The following MARCHF11 variants were observed in gnomAD, a reference collection of about 807,000 sequenced individuals.
The protein encoded by MARCHF11 is E3 ubiquitin-protein ligase MARCHF11.
In MARCHF11, 29 loss-of-function variants were observed where a neutral mutation model predicts 37.3. The ratio of observed to expected loss-of-function variants is 0.78; its 90% confidence interval spans 0.58 to 1.06. The LOEUF is 1.06. Ranked by LOEUF, MARCHF11 falls within the 50% of genes least tolerant of loss-of-function variation. MARCHF11 has a pLI of 0.00. For synonymous variants in MARCHF11, 233 were observed against 228.0 expected (o/e 1.02, Z -0.20); for missense variants, 482 against 533.4 (o/e 0.90, Z 0.95).
chr5:16,132,179 C>T (rs1737528461), intron 2 of MARCHF11, among the ~76,000 whole-genome samples: 1 of 152,080 alleles, frequency 6.6e-6, no homozygotes, highest in East Asian at 1.9e-4. Flanking sequence ...GAGCCAAGTA[C>T]CAAATTAGAT....
At chr5:16,097,534 A>C (rs773701785) in intron 2 of MARCHF11, among the ~76,000 whole-genome samples, 1 of 152,222 alleles carries the variant, frequency 6.6e-6, no homozygotes. Flanking sequence ...GATTCTAAAG[A>C]TGGAAAGAGC....
At chr5:16,133,649 G>GCACA (rs138216081) in intron 2 of MARCHF11, among the ~76,000 whole-genome samples, 41 of 150,034 alleles carry the variant, frequency 2.7e-4, no homozygotes, top group African/African-American at 6.6e-4. Flanking sequence ...ACATACACAT[G>GCACA]CACACACACA....
rs1279315517 is a variant in MARCHF11, at chr5:16,179,319, G to A, written c.257C>T (p.Pro86Leu). 8.1e-7 allele frequency: 1 copy of A among 1,238,552 alleles called. No individual in the cohort carries two copies. The highest frequency in any genetic ancestry group is 1.0e-6 in the Non-Finnish European group (1 of 991,410). 76.7% of individuals were successfully genotyped at this position (1,238,552 alleles called of 1,614,324 possible). Residue 86 changes from proline (P) to leucine (L), a missense_variant, in exon 1 of 4, where the codon CCC (proline) becomes CTC (leucine). Transcript: ENST00000332432. The stretch of plus-strand genomic sequence containing the variant: ...CTGGCCGGCGGGCTGCAGGGGCAGG[G>A]GCGGAGGCGGCAGCTCGTCCGCTCC... ...CRGADELPPP[P>L]LPLQPAGQEV...
intron 3 of MARCHF11, among the ~76,000 whole-genome samples, chr5:16,070,369 A>G (rs765836496): frequency 1.1e-4 from 17 of 152,212 alleles, no homozygotes; most frequent in Non-Finnish European, 2.4e-4. Flanking sequence ...CTGGGACGGT[A>G]ACTCTATAAA....
At chr5:16,139,738 A>G (rs1264521260) in intron 2 of MARCHF11, among the ~76,000 whole-genome samples, 2 of 152,194 alleles carry the variant, frequency 1.3e-5, no homozygotes, top group Non-Finnish European at 2.9e-5. Context: ...TCCGAACTAC[A>G]AAAGTATAAA....
intron 3 of MARCHF11, among the ~76,000 whole-genome samples, chr5:16,079,579 T>C (rs563580503): frequency 6.6e-5 from 10 of 152,332 alleles, no homozygotes; most frequent in African/African-American, 2.4e-4. Flanking sequence ...CCACATGGCC[T>C]TGTGGATCTT....
chr5:16,103,120 A>AAAAACAAAAC (rs1553995082), intron 2 of MARCHF11, among the ~76,000 whole-genome samples: 5 of 151,950 alleles, frequency 3.3e-5, no homozygotes, highest in African/African-American at 9.7e-5. Flanking sequence ...AGAAAAAAAA[A>AAAAACAAAAC]AAACAAAACT....
At chr5:16,149,806 G>A (rs148439125) in intron 2 of MARCHF11, among the ~76,000 whole-genome samples, 66 of 152,150 alleles carry the variant, frequency 4.3e-4, no homozygotes, top group African/African-American at 1.5e-3. Flanking sequence ...GCTGACCAGT[G>A]GACCTGCACC....
intron 3 of MARCHF11, among the ~76,000 whole-genome samples, chr5:16,071,411 T>C (rs1271014662): frequency 6.6e-6 from 1 of 152,210 alleles, no homozygotes; most frequent in Non-Finnish European, 1.5e-5. Context: ...ACCATCACCT[T>C]ACTGAAGCGC....
intron 2 of MARCHF11, among the ~76,000 whole-genome samples, chr5:16,094,044 A>T (rs1736825337): frequency 6.6e-6 from 1 of 152,198 alleles, no homozygotes; most frequent in Non-Finnish European, 1.5e-5. Context: ...TTGAATAATT[A>T]ATGAAGACAC....
At chr5:16,097,549 A>C (rs757046090) in intron 2 of MARCHF11, among the ~76,000 whole-genome samples, 3 of 152,232 alleles carry the variant, frequency 2.0e-5, no homozygotes, top group Non-Finnish European at 4.4e-5. Context: ...AAGAGCAATA[A>C]GGAGATACTA....
At chr5:16,070,490 A>G (rs1483735402) in intron 3 of MARCHF11, among the ~76,000 whole-genome samples, 1 of 152,226 alleles carries the variant, frequency 6.6e-6, no homozygotes, top group Non-Finnish European at 1.5e-5. Flanking sequence ...ATTCTGGGCA[A>G]GTCAGTGATG....
intron 2 of MARCHF11, among the ~76,000 whole-genome samples, chr5:16,174,338 T>C (rs1186061332): frequency 1.3e-5 from 2 of 152,366 alleles, no homozygotes; most frequent in East Asian, 3.9e-4. Context: ...AATTAACTCC[T>C]ACTGCTAATG....
At chr5:16,177,693 A>G in intron 2 of MARCHF11, 33 bp downstream of exon 2, 1 of 1,567,724 alleles carries the variant, frequency 6.4e-7, no homozygotes, top group Non-Finnish European at 8.7e-7. Flanking sequence ...TAACAAAATT[A>G]TTTCAGGAAA....
At chr5:16,138,538 C>T (rs1737648996) in intron 2 of MARCHF11, among the ~76,000 whole-genome samples, 1 of 152,238 alleles carries the variant, frequency 6.6e-6, no homozygotes, top group South Asian at 2.1e-4. Context: ...AGCCCCCACA[C>T]AGACTTCCCA....
intron 2 of MARCHF11, among the ~76,000 whole-genome samples, chr5:16,160,789 G>A (rs1738062666): frequency 6.6e-6 from 1 of 151,780 alleles, no homozygotes; most frequent in African/African-American, 2.4e-5. Context: ...TTAAGTAAAT[G>A]GAACCTGGGT....
chr5:16,179,471 C>A lies in MARCHF11; in HGVS notation c.105G>T (p.Pro35=). 8 of 1,131,062 alleles carry A rather than the reference C, an allele frequency of 7.1e-6. No individual in the cohort carries two copies. The highest frequency in any genetic ancestry group is 8.7e-6 in the Non-Finnish European group (8 of 924,678). The allele number at this position is 1,131,062 out of a possible 1,614,324, so 70.1% of individuals were successfully genotyped here. ...QPPPPPPPTP[P]PGEPAPVPAA... ...CGGGGACCGGGGCCGGCTCTCCCGG[C>A]GGCGGCGTCGGCGGCGGCGGCGGGG... The change falls in exon 1 of 4, where the codon CCG becomes CCT. Residue 35 remains proline (P), a synonymous_variant. Transcript: ENST00000332432.
At chr5:16,141,614 C>T (rs1737709363) in intron 2 of MARCHF11, 1 of 152,206 alleles carries the variant, frequency 6.6e-6, no homozygotes, top group Admixed American at 6.5e-5. Flanking sequence ...GTGAGAGAAA[C>T]ACAGCCATTA....
At position 16,067,752 on chromosome 5, in the gene MARCHF11, TAAAC is replaced by T. The variant is rs745317181; in HGVS notation, c.924_927del (p.Phe309SerfsTer6). ...TGCAAATTCACAGCTCGCCAGCGCT[TAAAC>T]ACTCTGTAAACTGCAGCTCCTTCAT... On this transcript the variant is annotated frameshift_variant, in exon 4 of 4. Transcript: ENST00000332432. LOFTEE classifies it high-confidence loss of function. 11 of 1,613,676 alleles carry T rather than the reference TAAAC, an allele frequency of 6.8e-6. No individual in the cohort carries two copies. Among genetic ancestry groups the T allele is most frequent in the Non-Finnish European group, 1.7e-6 (2 of 1,179,826 alleles).
Sources: gnomAD v4.1 joint callset for allele counts (sites outside exome capture counted in the v4.1 genomes callset) on GRCh38, gnomAD v4.1.1 for gene constraint, MANE v1.5 for transcripts, NCBI Gene and HGNC (gene_info 2026-07-23, HGNC 2026-07-21) for gene names.